Variants in ATRNL1 observed in about 807,000 individuals in gnomAD.
ATRNL1 encodes the protein attractin-like protein 1.
ATRNL1 carries 95 observed loss-of-function variants against 182.7 expected under a neutral mutation model. The observed-to-expected ratio is 0.52, with a 90% CI of 0.44 to 0.62. The LOEUF (loss-of-function observed/expected upper bound fraction) is 0.62. Ranked by LOEUF, ATRNL1 falls within the 20% of genes least tolerant of loss-of-function variation. ATRNL1 has a pLI of 0.00. For synonymous variants in ATRNL1, 576 were observed against 568.3 expected, an observed-to-expected ratio of 1.01 and a Z score of -0.19; for missense variants, 1,471 against 1,679.5, an observed-to-expected ratio of 0.88 and a Z score of 2.17.
intron 21 of ATRNL1, among the ~76,000 whole-genome samples, chr10:115,442,973 C>G (rs1846770411): frequency 6.6e-6 from 1 of 151,886 alleles, no homozygotes; most frequent in Admixed American, 6.6e-5. Context: ...CTTTTATGAC[C>G]TAAAATAGAT....
chr10:115,840,811 G>A (rs1328490575), intron 27 of ATRNL1, among the ~76,000 whole-genome samples: 1 of 152,016 alleles, frequency 6.6e-6, no homozygotes, highest in Non-Finnish European at 1.5e-5. Flanking sequence ...AATGGTAGAT[G>A]TTGGCAAGAA....
At chr10:115,133,047 G>C (rs1845329450) in intron 5 of ATRNL1, among the ~76,000 whole-genome samples, 2 of 152,112 alleles carry the variant, frequency 1.3e-5, no homozygotes, top group African/African-American at 4.8e-5. Flanking sequence ...TTTTCTTCTA[G>C]GGTTTTTATG....
intron 19 of ATRNL1, among the ~76,000 whole-genome samples, chr10:115,351,742 G>GGGTTTTGTTTTGTTTTGTTT (rs1856260733): frequency 6.7e-6 from 1 of 149,742 alleles, no homozygotes; most frequent in Non-Finnish European, 1.5e-5. Flanking sequence ...TTCTTTTCTT[G>GGGTTTTGTTTTGTTTTGTTT]TGTTTTGTTT....
At chr10:115,670,456 A>G (rs1418688065) in intron 26 of ATRNL1, among the ~76,000 whole-genome samples, 7 of 152,124 alleles carry the variant, frequency 4.6e-5, no homozygotes, top group African/African-American at 9.7e-5. Flanking sequence ...AAGTTTATAT[A>G]TAATGTATTC....
intron 25 of ATRNL1, among the ~76,000 whole-genome samples, chr10:115,519,649 C>T (rs78708546): frequency 0.032 from 4,928 of 152,260 alleles, 190 homozygotes; most frequent in Admixed American, 0.11. Context: ...GGATTAGTTA[C>T]ATCTACAAGA....
chr10:115,249,449 A>G (rs1203796497), intron 10 of ATRNL1, among the ~76,000 whole-genome samples: 2 of 152,182 alleles, frequency 1.3e-5, no homozygotes, highest in Non-Finnish European at 2.9e-5. Context: ...TTTTTAATGT[A>G]TAATTGTTAA....
At chr10:115,901,432 A>C (rs780679727) in intron 28 of ATRNL1, among the ~76,000 whole-genome samples, 1 of 152,220 alleles carries the variant, frequency 6.6e-6, no homozygotes, top group Non-Finnish European at 1.5e-5. Context: ...TTAAGGGCCT[A>C]TTTAAGACAG....
chr10:115,183,884 G>T (rs1554888253), intron 8 of ATRNL1, among the ~76,000 whole-genome samples: 1 of 151,426 alleles, frequency 6.6e-6, no homozygotes, highest in East Asian at 1.9e-4. Flanking sequence ...GATTAAAAAT[G>T]AAATAAAACC....
intron 26 of ATRNL1, among the ~76,000 whole-genome samples, chr10:115,628,551 T>C (rs1490784246): frequency 2.0e-5 from 3 of 152,170 alleles, no homozygotes; most frequent in African/African-American, 7.2e-5. Context: ...TTTAAAATAT[T>C]ATTTAATGCA....
At chr10:115,506,226 A>T (rs1053589735) in intron 24 of ATRNL1, among the ~76,000 whole-genome samples, 22 of 152,252 alleles carry the variant, frequency 1.4e-4, no homozygotes, top group African/African-American at 5.3e-4. Context: ...CTTGTTCCCC[A>T]TAATTTGGAA....
Position 115,265,169 on chromosome 10 carries a change from GTTTTTCTGTTTTCT to G in ATRNL1, c.1688-16_1688-3del. 7.0e-7 allele frequency: 1 copy of G among 1,425,598 alleles called. No homozygotes were observed. Among genetic ancestry groups the G allele is most frequent in the Non-Finnish European group, 9.7e-7 (1 of 1,026,980 alleles). The allele number at this position is 1,425,598 out of a possible 1,614,324, so 88.3% of individuals were successfully genotyped here. A position where few individuals can be genotyped will look rare whatever the true frequency, so the allele number is the denominator to read the frequency against. On this transcript the variant is annotated splice_polypyrimidine_tract_variant and intron_variant, in intron 10 of 28. Transcript: ENST00000355044. ...AGTTTATTCTTTTATTTCATTTTTT[GTTTTTCTGTTTTCT>G]TTTTTCTAGCTTGTGATGAATGGAA...
intron 18 of ATRNL1, among the ~76,000 whole-genome samples, chr10:115,318,575 G>A (rs1205627056): frequency 6.6e-6 from 1 of 152,046 alleles, no homozygotes; most frequent in African/African-American, 2.4e-5. Context: ...AACTGTTACT[G>A]GTCTATTCAG....
At chr10:115,694,429 A>G (rs1419427629) in intron 26 of ATRNL1, among the ~76,000 whole-genome samples, 1 of 152,142 alleles carries the variant, frequency 6.6e-6, no homozygotes, top group Non-Finnish European at 1.5e-5. Flanking sequence ...AGTTCTTTGG[A>G]AGTAAATACT....
intron 26 of ATRNL1, among the ~76,000 whole-genome samples, chr10:115,659,660 A>G (rs1355430270): frequency 1.3e-5 from 2 of 152,136 alleles, no homozygotes; most frequent in Non-Finnish European, 2.9e-5. Flanking sequence ...ACAGAAGTCT[A>G]TAGTGCTATG....
At chr10:115,613,408 G>A (rs1857264440) in intron 26 of ATRNL1, among the ~76,000 whole-genome samples, 1 of 152,100 alleles carries the variant, frequency 6.6e-6, no homozygotes, top group South Asian at 2.1e-4. Flanking sequence ...TCTTGTTGAT[G>A]CTCTGTTAGA....
intron 8 of ATRNL1, among the ~76,000 whole-genome samples, chr10:115,176,994 A>G (rs1291252153): frequency 6.6e-6 from 1 of 152,068 alleles, no homozygotes; most frequent in Non-Finnish European, 1.5e-5. Flanking sequence ...TCAGATCACT[A>G]ATGAAGTGGG....
intron 26 of ATRNL1, among the ~76,000 whole-genome samples, chr10:115,621,610 A>AT (rs35442847): frequency 3.3e-5 from 5 of 151,766 alleles, no homozygotes; most frequent in East Asian, 2.0e-4. Context: ...CCAAGCTCTG[A>AT]TTTTTTTTGT....
chr10:115,868,940 C>T (rs1555105423), intron 28 of ATRNL1, among the ~76,000 whole-genome samples: 1 of 148,966 alleles, frequency 6.7e-6, no homozygotes, highest in East Asian at 2.0e-4. Context: ...CGCCATTCTC[C>T]TGCCTCAGCC....
rs1853563538 is a variant in ATRNL1, at chr10:115,559,519, C to T, written c.3795+9983C>T. Among the ~76,000 whole-genome samples, 3 of 152,108 alleles carry T rather than the reference C, an allele frequency of 2.0e-5. No individual in the cohort carries two copies. The South Asian group carries it at 6.2e-4, about 32-fold the overall frequency. Reference sequence around the variant, plus strand: ...TAAGAAACTTCAGGTTTAGCTTGTACACTTCTTGCCCCAGTCCTAGAATTA... The same window carrying T: ...TAAGAAACTTCAGGTTTAGCTTGTATACTTCTTGCCCCAGTCCTAGAATTA... On this transcript the variant is annotated intron_variant, in intron 26 of 28. Coordinates refer to ENST00000355044, the MANE Select transcript of ATRNL1 (RefSeq NM_207303.4).
Sources: gnomAD v4.1 joint callset for allele counts (sites outside exome capture counted in the v4.1 genomes callset) on GRCh38, gnomAD v4.1.1 for gene constraint, MANE v1.5 for transcripts, NCBI Gene and HGNC (gene_info 2026-07-23, HGNC 2026-07-21) for gene names.